The following XRCC4 variants were observed in gnomAD, a reference collection of about 807,000 sequenced individuals.
XRCC4 encodes X-ray repair cross complementing 4, also known as DNA repair protein XRCC4.
Under a neutral mutation model 39.1 loss-of-function variants are expected in XRCC4, and 28 were observed. That is an observed-to-expected ratio of 0.72 (90% CI 0.53 to 0.98). The LOEUF is 0.98. Ranked by LOEUF, XRCC4 falls within the 50% of genes least tolerant of loss-of-function variation. The pLI is 0.00. For missense variants in XRCC4, 350 were observed against 376.4 expected, an observed-to-expected ratio of 0.93 and a Z score of 0.58; for synonymous variants, 123 against 126.4, an observed-to-expected ratio of 0.97 and a Z score of 0.18.
chr5:83,275,758 G>C (rs1373362254), intron 7 of XRCC4, among the ~76,000 whole-genome samples: 2 of 152,144 alleles, frequency 1.3e-5, no homozygotes, highest in Non-Finnish European at 2.9e-5. Flanking sequence ...CAGCCTGAGT[G>C]GCTGTTTCTC....
chr5:83,204,933 A>T lies in XRCC4; in HGVS notation c.745+12A>T. 1.3e-6 allele frequency: 2 copies of T among 1,565,382 alleles called. No individual in the cohort carries two copies. On this transcript the variant is annotated intron_variant, in intron 6 of 7. Transcript: ENST00000396027. ...TGGGTTGGCTTCAGGTAAGAGATAC[A>T]TACATTTATCTCCTCTGTTGAATAT...
At chr5:83,230,970 ACT>A (rs1482875376) in intron 6 of XRCC4, among the ~76,000 whole-genome samples, 1 of 151,842 alleles carries the variant, frequency 6.6e-6, no homozygotes, top group Non-Finnish European at 1.5e-5. Context: ...CTTGTTTAAA[ACT>A]CACGTAAATG....
chr5:83,089,764 A>G (rs1477357068), intron 1 of XRCC4, among the ~76,000 whole-genome samples: 2 of 152,242 alleles, frequency 1.3e-5, no homozygotes, highest in African/African-American at 2.4e-5. Flanking sequence ...AAAAGAATTA[A>G]TGAAATGTTT....
intron 1 of XRCC4, among the ~76,000 whole-genome samples, chr5:83,083,428 G>C (rs1340720319): frequency 6.7e-6 from 1 of 148,536 alleles, no homozygotes; most frequent in Non-Finnish European, 1.5e-5. Context: ...CCAGGCTGGA[G>C]TGCAGTGGCA....
chr5:83,129,472 T>A (rs1283039784), intron 3 of XRCC4, among the ~76,000 whole-genome samples: 3 of 152,092 alleles, frequency 2.0e-5, no homozygotes, highest in Non-Finnish European at 2.9e-5. Flanking sequence ...CTTTTTTGGT[T>A]CCATATGAAC....
intron 7 of XRCC4, among the ~76,000 whole-genome samples, chr5:83,329,960 A>T (rs997789039): frequency 1.3e-5 from 2 of 152,054 alleles, no homozygotes; most frequent in African/African-American, 4.8e-5. Flanking sequence ...TTCTGTTTTG[A>T]CGGTTGTATT....
chr5:83,135,391 C>CT (rs35742750), intron 3 of XRCC4, among the ~76,000 whole-genome samples: 69,715 of 145,474 alleles, frequency 0.48, 17,340 homozygotes, highest in African/African-American at 0.62. Flanking sequence ...GGCAGTATGC[C>CT]TTTTTTTTTT....
intron 2 of XRCC4, among the ~76,000 whole-genome samples, chr5:83,110,002 A>G (rs1345417531): frequency 6.6e-6 from 1 of 152,028 alleles, no homozygotes; most frequent in African/African-American, 2.4e-5. Flanking sequence ...TTATGTGTGG[A>G]TGGGAGGTTT....
chr5:83,112,234 T>C (rs979194263), intron 3 of XRCC4, among the ~76,000 whole-genome samples: 9 of 152,302 alleles, frequency 5.9e-5, no homozygotes, highest in African/African-American at 1.7e-4. Context: ...AGTAAGAAGG[T>C]TGGAACTAGC....
intron 1 of XRCC4, among the ~76,000 whole-genome samples, chr5:83,094,441 CT>C (rs1214477301): frequency 7.1e-6 from 1 of 140,570 alleles, no homozygotes; most frequent in Admixed American, 7.6e-5. Flanking sequence ...TCCTCTTTTT[CT>C]TTTTTTCTTT....
chr5:83,370,869 T>C, the XRCC4 span, among the ~76,000 whole-genome samples: 1 of 152,168 alleles, frequency 6.6e-6, no homozygotes. Context: ...TTCCTCTAAC[T>C]CTGCCCCATG....
intron 6 of XRCC4, among the ~76,000 whole-genome samples, chr5:83,247,981 G>T (rs998331356): frequency 4.6e-5 from 7 of 152,122 alleles, no homozygotes; most frequent in African/African-American, 1.7e-4. Flanking sequence ...GTAGAGAAAG[G>T]TGCTAAGCTG....
chr5:83,270,761 AAAAAAAAATATAT>A (rs1754113314), intron 7 of XRCC4, among the ~76,000 whole-genome samples: 2 of 142,712 alleles, frequency 1.4e-5, no homozygotes, highest in African/African-American at 5.3e-5. Context: ...ATTTTTTCGA[AAAAAAAAATATAT>A]ACATATATAT....
intron 7 of XRCC4, among the ~76,000 whole-genome samples, chr5:83,292,176 G>A (rs1284617212): frequency 1.3e-5 from 2 of 151,720 alleles, no homozygotes; most frequent in Non-Finnish European, 2.9e-5. Context: ...AGGTTCCCTT[G>A]TCATATGCTT....
rs1561401721 is a variant in XRCC4, at chr5:83,203,707, G to A, written c.638G>A (p.Gly213Glu). Reference sequence around the variant, plus strand: ...CGAGAAAAGGACATCAAACAAGAAGGGTATTTTCGCTATCTTGTTTTTGGA... The same window carrying A: ...CGAGAAAAGGACATCAAACAAGAAGAGTATTTTCGCTATCTTGTTTTTGGA... ...QEREKDIKQEGETAICSEMTA... is the reference protein window; with the variant it reads ...QEREKDIKQEEETAICSEMTA... The change falls in exon 5 of 8, where the codon GGG (glycine) becomes GAG (glutamate). Residue 213 changes from glycine to glutamate, a missense_variant and splice_region_variant. Gly to Glu is a moderately conservative substitution (Grantham distance 98). Transcript: ENST00000396027. 4 of 1,606,552 alleles carry A rather than the reference G, an allele frequency of 2.5e-6. No individual in the cohort carries two copies. The highest frequency in any genetic ancestry group is 3.4e-6 in the Non-Finnish European group (4 of 1,177,294).
intron 3 of XRCC4, among the ~76,000 whole-genome samples, chr5:83,145,631 G>A (rs1486706313): frequency 2.0e-5 from 3 of 151,924 alleles, no homozygotes; most frequent in Non-Finnish European, 2.9e-5. Context: ...TCTCTCCTCT[G>A]CTTCTTCCTT....
At chr5:83,352,828 C>G (rs1757119171) in intron 7 of XRCC4, among the ~76,000 whole-genome samples, 1 of 152,134 alleles carries the variant, frequency 6.6e-6, no homozygotes, top group African/African-American at 2.4e-5. Context: ...CCTTCTATAT[C>G]CTGGCATAAA....
intron 3 of XRCC4, among the ~76,000 whole-genome samples, chr5:83,130,947 G>T (rs1035158728): frequency 1.3e-5 from 2 of 151,982 alleles, no homozygotes; most frequent in Admixed American, 1.3e-4. Flanking sequence ...TTTTTTAAGG[G>T]TTTTTTGTGT....
At chr5:83,220,624 G>A (rs1358266425) in intron 6 of XRCC4, among the ~76,000 whole-genome samples, 1 of 152,134 alleles carries the variant, frequency 6.6e-6, no homozygotes, top group Non-Finnish European at 1.5e-5. Flanking sequence ...ACAGTTACAA[G>A]TATGGTGGCC....
Sources: allele counts gnomAD v4.1 joint callset (sites outside exome capture counted in the v4.1 genomes callset), GRCh38; gene constraint gnomAD v4.1.1; transcripts MANE v1.5; gene names NCBI Gene and HGNC (gene_info 2026-07-23, HGNC 2026-07-21).